ZFP1: variants seen among roughly 807,000 people sequenced by gnomAD.
ZFP1 encodes the protein ZFP1 zinc finger protein.
In ZFP1, 32 loss-of-function variants were observed where a neutral mutation model predicts 38.5. The ratio of observed to expected loss-of-function variants is 0.83; its 90% CI spans 0.63 to 1.12. ZFP1 has a LOEUF of 1.12. ZFP1 is among the 50% of genes most tolerant of loss of function. The probability of loss-of-function intolerance (pLI) is 0.00; values close to 1 mark genes in which losing one functional copy is unlikely to be tolerated. For missense variants in ZFP1, 616 were observed against 480.8 expected (o/e 1.28, Z -2.63); for synonymous variants, 245 against 168.8 (o/e 1.45, Z -3.50).
At chr16:75,136,708 A>C in the ZFP1 span, among the ~76,000 whole-genome samples, 6 of 152,024 alleles carry the variant, frequency 3.9e-5, no homozygotes, top group Non-Finnish European at 7.4e-5. Context: ...ATCTCCACAA[A>C]AAAATACAAA....
chr16:75,167,984 T>G (rs1302227475), intron 3 of ZFP1, among the ~76,000 whole-genome samples: 1 of 151,924 alleles, frequency 6.6e-6, no homozygotes, highest in Non-Finnish European at 1.5e-5. Flanking sequence ...TCCCAGCTAC[T>G]CGGGAGACGG....
At chr16:75,130,449 A>G in the ZFP1 span, among the ~76,000 whole-genome samples, 3 of 152,130 alleles carry the variant, frequency 2.0e-5, no homozygotes, top group Non-Finnish European at 4.4e-5. Flanking sequence ...CCTTGTACGC[A>G]TGCTGACTTG....
At chr16:75,138,062 G>A in the ZFP1 span, among the ~76,000 whole-genome samples, 31 of 96,458 alleles carry the variant, frequency 3.2e-4, no homozygotes, top group Non-Finnish European at 1.6e-4. Flanking sequence ...TTTTGAGACG[G>A]AGTCTCACTC....
the ZFP1 span, among the ~76,000 whole-genome samples, chr16:75,123,014 C>T: frequency 1.3e-5 from 2 of 151,834 alleles, no homozygotes; most frequent in Admixed American, 6.6e-5. Flanking sequence ...AATTTTGAAT[C>T]TAAAGTTAAA....
At chr16:75,124,239 A>AC in the ZFP1 span, among the ~76,000 whole-genome samples, 1 of 147,848 alleles carries the variant, frequency 6.8e-6, no homozygotes. Context: ...GCTCACTGCA[A>AC]CCTCTGCCTT....
intron 3 of ZFP1, 37 bp from the exon 4 acceptor site, chr16:75,169,216 T>A (rs938400343): frequency 1.3e-6 from 2 of 1,559,670 alleles, no homozygotes; most frequent in Non-Finnish European, 1.7e-6. Context: ...AGCGGAGGCA[T>A]TGACAAGGTT....
chr16:75,132,781 T>C, the ZFP1 span, among the ~76,000 whole-genome samples: 14 of 148,022 alleles, frequency 9.5e-5, 1 homozygote, highest in South Asian at 6.8e-4. Flanking sequence ...CTCAGCCTCC[T>C]GTGTAGCTGG....
chr16:75,169,144 C>T, intron 3 of ZFP1, 109 bp from the exon 4 acceptor site: 2 of 1,355,030 alleles, frequency 1.5e-6, no homozygotes, highest in Non-Finnish European at 1.9e-6. Context: ...GACTGGGTCC[C>T]AAACTAAAGA....
chr16:75,139,381 A>AC, the ZFP1 span, among the ~76,000 whole-genome samples: 59 of 143,406 alleles, frequency 4.1e-4, no homozygotes, highest in Admixed American at 1.2e-3. Flanking sequence ...AAAAAAAAAA[A>AC]AAAAAAAAAA....
At position 75,170,504 on chromosome 16, in the gene ZFP1, T is replaced by C. The variant is rs138703430; in HGVS notation, c.*170T>C. ...TGAGAACATTATACTGGAAGTTACA[T>C]GTGATACCCAGCTAAAGAATACATA... On this transcript the variant is annotated 3_prime_UTR_variant, in exon 4 of 4. Transcript: ENST00000570010. The C allele has an allele frequency of 2.0e-4, 193 of 979,850 alleles. 2 individuals are homozygous for C. In the East Asian group the frequency reaches 5.2e-3, roughly 27 times the overall value. The allele number at this position is 979,850 out of a possible 1,614,324, so 60.7% of individuals were successfully genotyped here. A position where few individuals can be genotyped will look rare whatever the true frequency, so the allele number is the denominator to read the frequency against.
In ZFP1 at chr16:75,171,218, T is replaced by C. The variant is rs575332433; in HGVS notation, c.*884T>C. 6.6e-6 allele frequency: 1 copy of C among 152,308 alleles called. No homozygotes were observed. The highest frequency in any genetic ancestry group is 1.9e-4 in the East Asian group (1 of 5,188). The allele number at this position is 152,308 out of a possible 1,614,324, so 9.4% of individuals were successfully genotyped here. On this transcript the variant is annotated 3_prime_UTR_variant, in exon 4 of 4. Transcript: ENST00000570010. ...TGTAACACAGACAGAAACCACCTGT[T>C]TTTGTCTTTCCTTGTTTCCCTTAAT... is the stretch of plus-strand genomic sequence containing the variant.
chr16:75,159,359 C>T, intron 2 of ZFP1, among the ~76,000 whole-genome samples: 1 of 7,946 alleles, frequency 1.3e-4, no homozygotes, highest in South Asian at 5.9e-3. Flanking sequence ...CCCTTCTTTC[C>T]TTTCCCTCCC....
chr16:75,165,902 C>T (rs903400456), intron 2 of ZFP1, among the ~76,000 whole-genome samples: 6 of 152,064 alleles, frequency 3.9e-5, no homozygotes, highest in African/African-American at 7.2e-5. Flanking sequence ...CTTTTAGGCT[C>T]CTTAATGTAC....
rs1379331693 is a variant in ZFP1, at chr16:75,169,931, G to T, written c.821G>T (p.Gly274Val). 1 of 1,614,042 alleles carries T rather than the reference G, an allele frequency of 6.2e-7. No individual in the cohort carries two copies. The highest frequency in any genetic ancestry group is 1.3e-5 in the African/African-American group (1 of 74,918). Residue 274 changes from glycine (G) to valine (V), a missense_variant, in exon 4 of 4, where the codon GGA becomes GTA. Physicochemically the swap from Gly to Val is moderately radical, Grantham distance 109. Coordinates refer to ENST00000570010, the MANE Select transcript of ZFP1 (RefSeq NM_153688.4). ...AAGCCCTATGAGTGCAGTGAATGTG[G>T]AAAGACATTTGCCCAAAAGTTTGAA... ...EKKPYECSEC[G>V]KTFAQKFELT...
At position 75,169,926 on chromosome 16, in the gene ZFP1, A is replaced by T. The variant is rs753536481; in HGVS notation, c.816A>T (p.Glu272Asp). 1 of 1,614,222 alleles carries T rather than the reference A, an allele frequency of 6.2e-7. No individual in the cohort carries two copies. Among genetic ancestry groups the T allele is most frequent in the South Asian group, 1.1e-5 (1 of 91,086 alleles). Residue 272 changes from glutamate to aspartate, a missense_variant, in exon 4 of 4, where the codon GAA becomes GAT. Coordinates refer to ENST00000570010, the MANE Select transcript of ZFP1 (RefSeq NM_153688.4). ...HMEKKPYECS[E>D]CGKTFAQKFE... ...AGAAGAAGCCCTATGAGTGCAGTGA[A>T]TGTGGAAAGACATTTGCCCAAAAGT... is the stretch of plus-strand genomic sequence containing the variant.
At chr16:75,156,228 T>C (rs889900557) in intron 2 of ZFP1, among the ~76,000 whole-genome samples, 5 of 152,150 alleles carry the variant, frequency 3.3e-5, no homozygotes, top group Non-Finnish European at 1.5e-5. Flanking sequence ...CCGAGGTTGG[T>C]GGATCACTTG....
At position 75,152,900 on chromosome 16, in the gene ZFP1, C is replaced by G. The variant is rs930859584; in HGVS notation, c.-43-9C>G. ...TAATAACAATGCCTTCCTTTTTCCT[C>G]TATTCCAGTTCTGCCTTCATAGTTC... On this transcript the variant is annotated splice_polypyrimidine_tract_variant and intron_variant, in intron 1 of 3. Coordinates refer to ENST00000570010, the MANE Select transcript of ZFP1 (RefSeq NM_153688.4). 17 of 1,609,318 alleles carry G rather than the reference C, an allele frequency of 1.1e-5. No individual in the cohort carries two copies. The highest frequency in any genetic ancestry group is 1.4e-5 in the Non-Finnish European group (17 of 1,178,242).
At chr16:75,166,678 AG>A in intron 2 of ZFP1, 91 bp from the exon 3 acceptor site, 1 of 1,599,824 alleles carries the variant, frequency 6.3e-7, no homozygotes, top group African/African-American at 1.3e-5. Context: ...TGTAATATAT[AG>A]ATTTTCATGA....
rs541597287 is a variant in ZFP1, at chr16:75,168,228, C to T, written c.143-1025C>T. Reference sequence around the variant, plus strand: ...ATTTGAGAAATCTTCAGACTGTTCTCCACAGTGGCTGAACTAATTTAAATT... The same window carrying T: ...ATTTGAGAAATCTTCAGACTGTTCTTCACAGTGGCTGAACTAATTTAAATT... On this transcript the variant is annotated intron_variant, in intron 3 of 3. Transcript: ENST00000570010. Among the ~76,000 whole-genome samples the T allele has an allele frequency of 2.0e-5, 3 of 152,330 alleles. No individual in the cohort carries two copies. In the South Asian group the frequency reaches 6.2e-4, roughly 32 times the overall value.
Sources: allele counts gnomAD v4.1 joint callset (sites outside exome capture counted in the v4.1 genomes callset), GRCh38; gene constraint gnomAD v4.1.1; transcripts MANE v1.5; gene names NCBI Gene and HGNC (gene_info 2026-07-23, HGNC 2026-07-21).